EYS: variants seen among roughly 807,000 people sequenced by gnomAD.
EYS encodes EGF-like photoreceptor maintenance factor.
Under a neutral mutation model 282.1 loss-of-function variants are expected in EYS, and 250 were observed. The ratio of observed to expected loss-of-function variants is 0.89; its 90% CI spans 0.80 to 0.98. The LOEUF (loss-of-function observed/expected upper bound fraction) is 0.98, where lower values mean the gene tolerates loss of function less well. Ranked by LOEUF, EYS falls within the 50% of genes least tolerant of loss-of-function variation. The pLI is 0.00. For synonymous variants in EYS, 1,355 were observed against 1,282.9 expected (o/e 1.06, Z -1.20); for missense variants, 4,016 against 3,709.0 (o/e 1.08, Z -2.15).
chr6:64,518,801 T>A (rs1445523366), intron 26 of EYS, among the ~76,000 whole-genome samples: 1 of 143,226 alleles, frequency 7.0e-6, no homozygotes, highest in African/African-American at 2.5e-5. Flanking sequence ...CTCAGGGAAC[T>A]CATTCTTCGC....
At chr6:64,824,835 G>T (rs2150024212) in intron 19 of EYS, among the ~76,000 whole-genome samples, 1 of 151,930 alleles carries the variant, frequency 6.6e-6, no homozygotes, top group African/African-American at 2.4e-5. Flanking sequence ...ATTATCTTAG[G>T]ATCTTTTTTT....
At chr6:64,384,157 A>G (rs557927820) in intron 29 of EYS, among the ~76,000 whole-genome samples, 6 of 152,292 alleles carry the variant, frequency 3.9e-5, no homozygotes, top group African/African-American at 7.2e-5. Flanking sequence ...TATAAAAGTG[A>G]ATGGAGCAAA....
chr6:64,553,266 T>C (rs559964565), intron 26 of EYS, among the ~76,000 whole-genome samples: 186 of 152,264 alleles, frequency 1.2e-3, no homozygotes, highest in African/African-American at 4.2e-3. Context: ...ATATACTTAA[T>C]TATCATGAGC....
chr6:64,664,213 T>G (rs9342365), intron 22 of EYS, among the ~76,000 whole-genome samples: 97,363 of 152,114 alleles, frequency 0.64, 31,393 homozygotes, highest in African/African-American at 0.71. Flanking sequence ...AAAGGGGGTT[T>G]CCCACTCCCC....
intron 19 of EYS, among the ~76,000 whole-genome samples, chr6:64,858,733 T>G (rs567531722): frequency 1.3e-5 from 2 of 152,252 alleles, no homozygotes; most frequent in African/African-American, 4.8e-5. Flanking sequence ...AAAAATTATA[T>G]GAAATCATCT....
At chr6:64,846,041 T>C (rs1452884763) in intron 19 of EYS, among the ~76,000 whole-genome samples, 1 of 152,190 alleles carries the variant, frequency 6.6e-6, no homozygotes, top group Non-Finnish European at 1.5e-5. Flanking sequence ...TTCAAATCAA[T>C]CATCTTATAG....
At chr6:64,472,376 A>G (rs1304932246) in intron 26 of EYS, among the ~76,000 whole-genome samples, 3 of 152,222 alleles carry the variant, frequency 2.0e-5, no homozygotes, top group Non-Finnish European at 4.4e-5. Flanking sequence ...AGAAGTCAAC[A>G]TGGGAGAAGT....
chr6:64,490,718 A>C (rs959709454), intron 26 of EYS, among the ~76,000 whole-genome samples: 4 of 150,924 alleles, frequency 2.7e-5, no homozygotes, highest in Admixed American at 6.6e-5. Context: ...TTGAAAAAGC[A>C]AAGGAACTTT....
At chr6:65,448,713 C>T (rs923230270) in intron 5 of EYS, among the ~76,000 whole-genome samples, 3 of 151,956 alleles carry the variant, frequency 2.0e-5, no homozygotes, top group East Asian at 1.9e-4. Flanking sequence ...AAGTTTTTGA[C>T]TTCTTTGAAA....
At chr6:64,429,589 C>T (rs1238593339) in intron 28 of EYS, among the ~76,000 whole-genome samples, 1 of 152,184 alleles carries the variant, frequency 6.6e-6, no homozygotes, top group Non-Finnish European at 1.5e-5. Flanking sequence ...CAAGGTAGCA[C>T]CACTGCACTC....
At chr6:64,802,994 A>G (rs1417403185) in intron 22 of EYS, among the ~76,000 whole-genome samples, 1 of 152,144 alleles carries the variant, frequency 6.6e-6, no homozygotes, top group African/African-American at 2.4e-5. Flanking sequence ...GCTCCATGCA[A>G]GGTTACAACT....
intron 33 of EYS, among the ~76,000 whole-genome samples, chr6:64,003,058 A>C (rs1297705783): frequency 6.6e-6 from 1 of 152,204 alleles, no homozygotes; most frequent in African/African-American, 2.4e-5. Flanking sequence ...GAAGTAACCT[A>C]AGTGTTCATC....
At chr6:64,553,056 T>C (rs751307719) in intron 26 of EYS, among the ~76,000 whole-genome samples, 14 of 152,256 alleles carry the variant, frequency 9.2e-5, no homozygotes, top group Non-Finnish European at 1.3e-4. Context: ...CATGTATTGA[T>C]TGATGTCTTA....
At chr6:63,741,423 A>C (rs929202534) in intron 41 of EYS, among the ~76,000 whole-genome samples, 1 of 152,226 alleles carries the variant, frequency 6.6e-6, no homozygotes, top group African/African-American at 2.4e-5. Flanking sequence ...CAATATTTTG[A>C]GTAAAGATAT....
rs377205264 is a variant in EYS at position 65,245,293 on chromosome 6, G to C, written c.2023+50570C>G. 1.8e-4 allele frequency among the ~76,000 whole-genome samples: 27 copies of C among 152,194 alleles called. No homozygotes were observed. In the East Asian group the frequency reaches 4.6e-3, roughly 26 times the overall value. On this transcript the variant is annotated intron_variant, in intron 12 of 42. Coordinates refer to ENST00000503581, the MANE Select transcript of EYS (RefSeq NM_001142800.2). ...TGAGAAGGAAATATGCAATGGGAGG[G>C]ATACATCAAGTACACTGATTTTCTC...
At chr6:64,274,493 T>TTTTTTTTTTTC (rs1236822470) in intron 30 of EYS, among the ~76,000 whole-genome samples, 7 of 149,384 alleles carry the variant, frequency 4.7e-5, no homozygotes, top group African/African-American at 1.7e-4. Flanking sequence ...TTTTTTTTTT[T>TTTTTTTTTTTC]TTTTTTTTTT....
chr6:65,140,645 G>A (rs1390891554), intron 12 of EYS, among the ~76,000 whole-genome samples: 1 of 150,622 alleles, frequency 6.6e-6, no homozygotes, highest in East Asian at 1.9e-4. Context: ...AAATTGACAA[G>A]AAGAAAACAA....
intron 8 of EYS, among the ~76,000 whole-genome samples, chr6:65,383,928 C>T (rs2150351502): frequency 6.6e-6 from 1 of 151,896 alleles, no homozygotes; most frequent in East Asian, 1.9e-4. Context: ...AATAGACATA[C>T]CTACAAGTAA....
Position 64,073,002 on chromosome 6 carries a change from A to C in EYS, c.6572-6511T>G, listed in dbSNP as rs1582230051. 2.0e-5 allele frequency among the ~76,000 whole-genome samples: 3 copies of C among 151,990 alleles called. No homozygotes were observed. The Middle Eastern group carries it at 0.01, about 517-fold the overall frequency. ...ACTATGCAAGAATGAGTTATTTTTA[A>C]AGGAAGCTCAGCCACTAACATCAAT... On this transcript the variant is annotated intron_variant, in intron 32 of 42. Coordinates refer to ENST00000503581, the MANE Select transcript of EYS (RefSeq NM_001142800.2).
Sources: gnomAD v4.1 joint callset for allele counts (sites outside exome capture counted in the v4.1 genomes callset) on GRCh38, gnomAD v4.1.1 for gene constraint, MANE v1.5 for transcripts, NCBI Gene and HGNC (gene_info 2026-07-23, HGNC 2026-07-21) for gene names.